Variants in FILIP1L observed in about 807,000 individuals in gnomAD.
FILIP1L encodes the protein filamin A interacting protein 1 like, also known as filamin A-interacting protein 1-like.
In FILIP1L, 55 loss-of-function variants were observed where a neutral mutation model predicts 96.6. The ratio of observed to expected loss-of-function variants is 0.57; its 90% confidence interval spans 0.46 to 0.71. The LOEUF (loss-of-function observed/expected upper bound fraction) is 0.71. Among genes scored for constraint, FILIP1L ranks in the 30% least tolerant of loss-of-function variants. The pLI is 0.00. For missense variants in FILIP1L, 1,304 were observed against 1,321.2 expected, an observed-to-expected ratio of 0.99 and a Z score of 0.20; for synonymous variants, 467 against 473.9, an observed-to-expected ratio of 0.99 and a Z score of 0.19.
intron 4 of FILIP1L, among the ~76,000 whole-genome samples, chr3:99,854,694 T>G (rs1406344545): frequency 6.6e-6 from 1 of 152,004 alleles, no homozygotes; most frequent in Admixed American, 6.6e-5. Flanking sequence ...TGGGGGGCAG[T>G]CACCTCCAGT....
At chr3:99,931,116 T>C in intron 1 of FILIP1L, 86 bp from the exon 2 acceptor site, 1 of 1,113,912 alleles carries the variant, frequency 9.0e-7, no homozygotes, top group Non-Finnish European at 1.3e-6. Context: ...AAGTCTACAT[T>C]CTTGTTATAT....
chr3:99,961,528 C>T (rs1708490378), intron 1 of FILIP1L, among the ~76,000 whole-genome samples: 1 of 152,092 alleles, frequency 6.6e-6, no homozygotes, highest in South Asian at 2.1e-4. Flanking sequence ...ATGTGTGAAC[C>T]CATCCAGTGA....
intron 1 of FILIP1L, among the ~76,000 whole-genome samples, chr3:100,078,473 A>ATTTATTT (rs2065883457): frequency 6.6e-6 from 1 of 152,210 alleles, no homozygotes; most frequent in Non-Finnish European, 1.5e-5. Context: ...AACAGCAATA[A>ATTTATTT]TTTATTTTTT....
chr3:99,989,955 G>A (rs1709464455), intron 1 of FILIP1L, among the ~76,000 whole-genome samples: 2 of 152,226 alleles, frequency 1.3e-5, no homozygotes, highest in Non-Finnish European at 2.9e-5. Context: ...GAGTGCAAGA[G>A]AGAGTTATAC....
intron 1 of FILIP1L, among the ~76,000 whole-genome samples, chr3:99,984,062 G>GTGTGTGTGTGTGTGTGTGTGTT (rs1424250163): frequency 3.3e-5 from 5 of 151,618 alleles, no homozygotes; most frequent in South Asian, 4.2e-4. Flanking sequence ...ATGTGTGTTT[G>GTGTGTGTGTGTGTGTGTGTGTT]TGTGTGTGTG....
chr3:99,861,190 G>A (rs1013073439), intron 4 of FILIP1L, among the ~76,000 whole-genome samples: 4 of 151,116 alleles, frequency 2.6e-5, no homozygotes, highest in Non-Finnish European at 4.4e-5. Context: ...ATACACCCCC[G>A]CCCTCCCAAA....
intron 4 of FILIP1L, among the ~76,000 whole-genome samples, chr3:99,884,130 C>A (rs1301779974): frequency 6.6e-6 from 1 of 152,148 alleles, no homozygotes; most frequent in Admixed American, 6.5e-5. Flanking sequence ...AAGACCCAGG[C>A]TGTGCAGTAG....
In FILIP1L at chr3:99,924,136, C is replaced by T. The variant is rs1707211882; in HGVS notation, c.605+94G>A. ...ACTATGAGATCTTTGAGAACAGAGA[C>T]TGTGTCATATTTATCTTTGTATCCC... On this transcript the variant is annotated intron_variant, in intron 4 of 5. Coordinates refer to ENST00000477258, the MANE Select transcript of FILIP1L (RefSeq NM_001387850.1). 3.9e-6 allele frequency: 4 copies of T among 1,024,390 alleles called. No individual in the cohort carries two copies. In the Admixed American group the frequency reaches 8.9e-5, roughly 23 times the overall value. 63.5% of individuals were successfully genotyped at this position (1,024,390 alleles called of 1,614,324 possible).
chr3:99,937,731 C>T (rs1376770917), intron 1 of FILIP1L, among the ~76,000 whole-genome samples: 1 of 152,144 alleles, frequency 6.6e-6, no homozygotes, highest in African/African-American at 2.4e-5. Context: ...CTGGTTGGCT[C>T]TGAATAGGAG....
At chr3:99,843,200 C>T (rs1371835410) in intron 5 of FILIP1L, among the ~76,000 whole-genome samples, 1 of 152,158 alleles carries the variant, frequency 6.6e-6, no homozygotes, top group African/African-American at 2.4e-5. Context: ...GTTCTGGACC[C>T]TTCCCAAGAA....
chr3:99,984,638 C>G (rs1709276818), intron 1 of FILIP1L, among the ~76,000 whole-genome samples: 1 of 152,162 alleles, frequency 6.6e-6, no homozygotes, highest in Admixed American at 6.5e-5. Context: ...AGAATGAGCA[C>G]CTTTGCCAAA....
At chr3:99,921,690 G>A (rs551818995) in intron 4 of FILIP1L, among the ~76,000 whole-genome samples, 6 of 151,830 alleles carry the variant, frequency 4.0e-5, no homozygotes, top group Non-Finnish European at 5.9e-5. Flanking sequence ...TATTCTTCAA[G>A]GTAAAGAATC....
At chr3:100,037,383 A>G (rs1427756624) in intron 1 of FILIP1L, among the ~76,000 whole-genome samples, 1 of 152,202 alleles carries the variant, frequency 6.6e-6, no homozygotes, top group Non-Finnish European at 1.5e-5. Flanking sequence ...GATTTTTTGT[A>G]GTATTCTTGC....
intron 1 of FILIP1L, among the ~76,000 whole-genome samples, chr3:99,990,902 T>C (rs1418220499): frequency 6.6e-6 from 1 of 152,046 alleles, no homozygotes; most frequent in African/African-American, 2.4e-5. Flanking sequence ...AGAGAGCAAA[T>C]GAAAAAAGCA....
intron 1 of FILIP1L, among the ~76,000 whole-genome samples, chr3:100,101,698 C>G (rs1411100923): frequency 6.6e-6 from 1 of 151,938 alleles, no homozygotes; most frequent in African/African-American, 2.4e-5. Context: ...TATACATGTG[C>G]CATGTTGGTG....
chr3:99,907,619 A>G (rs1706661773), intron 4 of FILIP1L, among the ~76,000 whole-genome samples: 1 of 152,068 alleles, frequency 6.6e-6, no homozygotes, highest in African/African-American at 2.4e-5. Context: ...CTGTTTTTTC[A>G]CATTATGTGT....
At chr3:99,900,940 G>T (rs975336166) in intron 4 of FILIP1L, among the ~76,000 whole-genome samples, 1 of 152,222 alleles carries the variant, frequency 6.6e-6, no homozygotes, top group Admixed American at 6.5e-5. Context: ...GAAGGGGCAT[G>T]ATGGTAGTAG....
intron 4 of FILIP1L, among the ~76,000 whole-genome samples, chr3:99,894,012 TGGA>T (rs757967731): frequency 4.6e-5 from 7 of 152,208 alleles, no homozygotes; most frequent in Non-Finnish European, 1.0e-4. Context: ...AGATACATTT[TGGA>T]GGAGGAAGGC....
At chr3:99,833,138 C>T (rs1559648873) in intron 5 of FILIP1L, 6 of 1,062,362 alleles carry the variant, frequency 5.6e-6, no homozygotes, top group Non-Finnish European at 8.6e-6. Flanking sequence ...TTGGAAAGCT[C>T]ATTCATAGAA....
Sources: allele counts gnomAD v4.1 joint callset (sites outside exome capture counted in the v4.1 genomes callset), GRCh38; gene constraint gnomAD v4.1.1; transcripts MANE v1.5; gene names NCBI Gene and HGNC (gene_info 2026-07-23, HGNC 2026-07-21).